The following CLTA variants were observed in gnomAD, a reference collection of about 807,000 sequenced individuals.
The protein encoded by CLTA is clathrin, light polypeptide (Lca).
Under a neutral mutation model 26.9 loss-of-function variants are expected in CLTA, and 9 were observed. The ratio of observed to expected loss-of-function variants is 0.33; its 90% CI spans 0.20 to 0.58. The LOEUF (loss-of-function observed/expected upper bound fraction) is 0.58. CLTA is among the 20% of genes least tolerant of loss of function. The pLI, the probability that CLTA is intolerant of heterozygous loss-of-function variation, is 0.85. For synonymous variants in CLTA, 120 were observed against 115.5 expected (o/e 1.04, Z -0.25); for missense variants, 278 against 294.2 (o/e 0.94, Z 0.40).
At chr9:36,206,819 C>T (rs1237380257) in intron 4 of CLTA, among the ~76,000 whole-genome samples, 1 of 151,920 alleles carries the variant, frequency 6.6e-6, no homozygotes, top group Non-Finnish European at 1.5e-5. Context: ...CACTAGAACC[C>T]GGGAGGCAGA....
chr9:36,207,645 G>A (rs1217681145), intron 4 of CLTA, among the ~76,000 whole-genome samples: 1 of 152,210 alleles, frequency 6.6e-6, no homozygotes, highest in African/African-American at 2.4e-5. Context: ...CTGTGTGTGT[G>A]TCTGATTTTC....
At chr9:36,208,117 G>A (rs2132945334) in intron 4 of CLTA, among the ~76,000 whole-genome samples, 1 of 152,308 alleles carries the variant, frequency 6.6e-6, no homozygotes, top group Admixed American at 6.5e-5. Flanking sequence ...TTAGCTTAAT[G>A]ACCAGGCATG....
chr9:36,200,195 TTTTC>T (rs1392863248), intron 3 of CLTA, among the ~76,000 whole-genome samples: 1 of 152,220 alleles, frequency 6.6e-6, no homozygotes, highest in Admixed American at 6.5e-5. Context: ...TGTTTTTTCT[TTTTC>T]TTTTTTTAAT....
At chr9:36,200,489 A>G (rs1827344186) in intron 3 of CLTA, among the ~76,000 whole-genome samples, 2 of 152,240 alleles carry the variant, frequency 1.3e-5, no homozygotes, top group Non-Finnish European at 2.9e-5. Context: ...GAACTGTTGA[A>G]CTAGTGAAAA....
At position 36,190,950 on chromosome 9, in the gene CLTA, G is replaced by T; in HGVS notation, c.-107G>T. On this transcript the variant is annotated 5_prime_UTR_variant, in exon 1 of 5. Coordinates refer to ENST00000345519, the MANE Select transcript of CLTA (RefSeq NM_001833.4). ...TTTACCCGTCTCCCTCCTGGCGCTT[G>T]TCCTCCTCTCCCAGTCGGCACCACA... 2.1e-6 allele frequency: 3 copies of T among 1,433,762 alleles called. No individual in the cohort carries two copies. In the South Asian group the frequency reaches 4.5e-5, roughly 21 times the overall value. The allele number at this position is 1,433,762 out of a possible 1,614,324, so 88.8% of individuals were successfully genotyped here. A position where few individuals can be genotyped will look rare whatever the true frequency, so the allele number is the denominator to read the frequency against.
rs1430247461 is a variant in CLTA, at chr9:36,191,138, G to C, written c.82G>C (p.Glu28Gln). Residue 28 changes from glutamate to glutamine, a missense_variant, in exon 1 of 5, where the codon GAA (glutamate) becomes CAA (glutamine). Physicochemically the swap from Glu to Gln is conservative, Grantham distance 29. Transcript: ENST00000345519. ...GGGGAACGGAGTGGCCGGCGCCGGC[G>C]AAGAAGACCCGGCTGCGGCCTTCTT... ...ALGNGVAGAG[E>Q]EDPAAAFLAQ... 14 of 1,600,760 alleles carry C rather than the reference G, an allele frequency of 8.7e-6. No homozygotes were observed. In the South Asian group the frequency reaches 1.3e-4, roughly 15 times the overall value.
chr9:36,192,624 C>T (rs895238296), intron 1 of CLTA, among the ~76,000 whole-genome samples: 3 of 151,962 alleles, frequency 2.0e-5, no homozygotes, highest in African/African-American at 7.3e-5. Context: ...TGGGTGGTCT[C>T]TAACATTTGT....
chr9:36,209,167 ACAGTT>A, intron 4 of CLTA: 1 of 1,450,914 alleles, frequency 6.9e-7, no homozygotes, highest in South Asian at 1.2e-5. Context: ...TCCTCAGAGC[ACAGTT>A]GTACCTCAAT....
At chr9:36,194,359 A>G (rs567941831) in intron 1 of CLTA, among the ~76,000 whole-genome samples, 62 of 152,198 alleles carry the variant, frequency 4.1e-4, no homozygotes, top group Non-Finnish European at 7.8e-4. Flanking sequence ...AGAAAGAGAC[A>G]TGGGTGAATT....
At chr9:36,206,574 A>G (rs1275289378) in intron 4 of CLTA, among the ~76,000 whole-genome samples, 1 of 152,108 alleles carries the variant, frequency 6.6e-6, no homozygotes, top group Non-Finnish European at 1.5e-5. Flanking sequence ...TTATCTGTCT[A>G]TGGGTAAAGA....
At chr9:36,209,137 G>A in intron 4 of CLTA, 1 of 1,126,660 alleles carries the variant, frequency 8.9e-7, no homozygotes, top group Non-Finnish European at 1.3e-6. Flanking sequence ...CGGGGGTTAG[G>A]AAGGAGCCTT....
intron 4 of CLTA, chr9:36,209,356 AT>A: frequency 6.8e-7 from 1 of 1,465,646 alleles, no homozygotes; most frequent in Non-Finnish European, 9.6e-7. Flanking sequence ...TCTACATCTG[AT>A]TCTTTCTACT....
At position 36,190,944 on chromosome 9, in the gene CLTA, G is replaced by C. The variant is rs937472994; in HGVS notation, c.-113G>C. On this transcript the variant is annotated 5_prime_UTR_variant, in exon 1 of 5. Coordinates refer to ENST00000345519, the MANE Select transcript of CLTA (RefSeq NM_001833.4). Reference sequence around the variant, plus strand: ...TTCCGCTTTACCCGTCTCCCTCCTGGCGCTTGTCCTCCTCTCCCAGTCGGC... The same window carrying C: ...TTCCGCTTTACCCGTCTCCCTCCTGCCGCTTGTCCTCCTCTCCCAGTCGGC... The C allele has an allele frequency of 1.1e-5, 15 of 1,426,234 alleles. No homozygotes were observed. The highest frequency in any genetic ancestry group is 1.4e-5 in the Non-Finnish European group (15 of 1,097,904). 88.3% of individuals were successfully genotyped at this position (1,426,234 alleles called of 1,614,324 possible).
intron 1 of CLTA, among the ~76,000 whole-genome samples, chr9:36,193,716 GC>G (rs747594736): frequency 6.6e-6 from 1 of 152,190 alleles, no homozygotes; most frequent in Non-Finnish European, 1.5e-5. Context: ...AAATAAACTG[GC>G]CCCAGCCTTG....
chr9:36,205,423 C>G (rs3780355), intron 4 of CLTA, among the ~76,000 whole-genome samples: 33,802 of 152,040 alleles, frequency 0.22, 4,759 homozygotes, highest in Non-Finnish European at 0.31. Context: ...GTCCTCTGCT[C>G]CCTCAAGATG....
At chr9:36,202,574 C>CAA (rs1465010844) in intron 3 of CLTA, among the ~76,000 whole-genome samples, 1 of 152,230 alleles carries the variant, frequency 6.6e-6, no homozygotes, top group Non-Finnish European at 1.5e-5. Context: ...GTAAGCTTTA[C>CAA]AGCCAGATCT....
At chr9:36,208,971 G>T (rs974798100) in intron 4 of CLTA, among the ~76,000 whole-genome samples, 1 of 152,204 alleles carries the variant, frequency 6.6e-6, no homozygotes, top group African/African-American at 2.4e-5. Flanking sequence ...ATGTGAAAGG[G>T]CTTAGTCCAT....
intron 3 of CLTA, among the ~76,000 whole-genome samples, chr9:36,199,750 G>A (rs753209457): frequency 3.3e-5 from 5 of 152,052 alleles, no homozygotes; most frequent in African/African-American, 9.7e-5. Flanking sequence ...CACCGCGCCC[G>A]GCCTCCATTT....
intron 1 of CLTA, among the ~76,000 whole-genome samples, chr9:36,194,393 A>G (rs1290187039): frequency 6.6e-6 from 1 of 152,212 alleles, no homozygotes; most frequent in Non-Finnish European, 1.5e-5. Flanking sequence ...CTGGAGAAGT[A>G]ATTTTATTGG....
Sources: allele counts gnomAD v4.1 joint callset (sites outside exome capture counted in the v4.1 genomes callset), GRCh38; gene constraint gnomAD v4.1.1; transcripts MANE v1.5; gene names NCBI Gene and HGNC (gene_info 2026-07-23, HGNC 2026-07-21).